GRID1: variants seen among roughly 807,000 people sequenced by gnomAD.
GRID1 encodes the protein glutamate ionotropic receptor delta type subunit 1, also known as glutamate receptor ionotropic, delta-1.
In GRID1, 28 loss-of-function variants were observed where a neutral mutation model predicts 98.0. The observed-to-expected ratio is 0.29, with a 90% confidence interval of 0.21 to 0.39. The LOEUF (loss-of-function observed/expected upper bound fraction) is 0.39. Ranked by LOEUF, GRID1 falls within the 10% of genes least tolerant of loss-of-function variation. GRID1 has a pLI of 1.00. For missense variants in GRID1, 1,111 were observed against 1,340.5 expected (o/e 0.83, Z 2.67); for synonymous variants, 553 against 538.5 (o/e 1.03, Z -0.37).
At chr10:86,319,129 G>A (rs1014323191) in intron 2 of GRID1, among the ~76,000 whole-genome samples, 7 of 152,146 alleles carry the variant, frequency 4.6e-5, no homozygotes, top group African/African-American at 1.7e-4. Flanking sequence ...CAGGAGCAAG[G>A]AGTAGGCCAC....
chr10:86,189,108 T>G (rs186705648), intron 3 of GRID1, among the ~76,000 whole-genome samples: 38 of 152,260 alleles, frequency 2.5e-4, no homozygotes, highest in African/African-American at 8.9e-4. Flanking sequence ...GCTGGCACTT[T>G]CAAAGCTCTA....
chr10:85,913,679 C>T (rs1271111920), intron 5 of GRID1, among the ~76,000 whole-genome samples: 2 of 123,394 alleles, frequency 1.6e-5, no homozygotes, highest in Non-Finnish European at 3.3e-5. Context: ...GTCCCAGCTA[C>T]TCAGGAGGCT....
chr10:86,239,874 T>G (rs370033391), intron 2 of GRID1, among the ~76,000 whole-genome samples: 4 of 152,272 alleles, frequency 2.6e-5, no homozygotes, highest in African/African-American at 9.6e-5. Context: ...GTGAGAATGA[T>G]CAAATGCAGG....
chr10:85,619,059 G>T (rs1422801640), intron 14 of GRID1, among the ~76,000 whole-genome samples: 1 of 152,220 alleles, frequency 6.6e-6, no homozygotes, highest in East Asian at 1.9e-4. Context: ...GGCAGAGCCT[G>T]CCCCAGGGCT....
intron 8 of GRID1, among the ~76,000 whole-genome samples, chr10:85,811,065 CTGAA>C (rs1842667012): frequency 6.6e-6 from 1 of 152,182 alleles, no homozygotes; most frequent in Non-Finnish European, 1.5e-5. Context: ...AAGCCCACCC[CTGAA>C]GAAGCTGTGT....
At chr10:86,298,885 G>A (rs1847635936) in intron 2 of GRID1, among the ~76,000 whole-genome samples, 1 of 152,156 alleles carries the variant, frequency 6.6e-6, no homozygotes, top group Non-Finnish European at 1.5e-5. Flanking sequence ...CACCACTCAC[G>A]GATCCCTGGC....
At chr10:85,860,933 T>A (rs1198996958) in intron 6 of GRID1, among the ~76,000 whole-genome samples, 2 of 152,208 alleles carry the variant, frequency 1.3e-5, no homozygotes, top group African/African-American at 2.4e-5. Flanking sequence ...ACCTGTGGAA[T>A]GCAGATGGTA....
intron 2 of GRID1, among the ~76,000 whole-genome samples, chr10:86,232,757 G>T (rs894437458): frequency 6.6e-6 from 1 of 152,256 alleles, no homozygotes; most frequent in Admixed American, 6.5e-5. Context: ...TCTTTTGCAG[G>T]GAGGGAAAGT....
At chr10:85,754,791 C>T (rs1208424654) in intron 8 of GRID1, among the ~76,000 whole-genome samples, 1 of 152,166 alleles carries the variant, frequency 6.6e-6, no homozygotes, top group African/African-American at 2.4e-5. Flanking sequence ...CCCTTGCAGA[C>T]TGTGTGACCT....
At chr10:86,049,363 G>A (rs1248033977) in intron 4 of GRID1, among the ~76,000 whole-genome samples, 1 of 152,158 alleles carries the variant, frequency 6.6e-6, no homozygotes, top group Non-Finnish European at 1.5e-5. Context: ...TTGACCCAAC[G>A]TTCCAGCAGT....
chr10:86,035,962 C>A (rs1399288620), intron 4 of GRID1, among the ~76,000 whole-genome samples: 1 of 152,188 alleles, frequency 6.6e-6, no homozygotes, highest in Non-Finnish European at 1.5e-5. Context: ...GAGCCCCCTG[C>A]AGCCCACCTC....
chr10:86,051,182 A>G (rs1471442910), intron 4 of GRID1, among the ~76,000 whole-genome samples: 1 of 151,752 alleles, frequency 6.6e-6, no homozygotes, highest in African/African-American at 2.4e-5. Flanking sequence ...AAGATCAATG[A>G]AACAGAATAC....
intron 4 of GRID1, among the ~76,000 whole-genome samples, chr10:86,005,115 G>C (rs1175259989): frequency 6.6e-6 from 1 of 152,162 alleles, no homozygotes; most frequent in Non-Finnish European, 1.5e-5. Context: ...AGCTCTGCTA[G>C]CAATCAAACA....
intron 8 of GRID1, among the ~76,000 whole-genome samples, chr10:85,854,074 G>T (rs965223758): frequency 1.3e-5 from 2 of 152,092 alleles, no homozygotes; most frequent in African/African-American, 2.4e-5. Flanking sequence ...TTTTCTGTTT[G>T]TGGCCTTGTC....
chr10:85,982,113 G>C (rs114843865), intron 4 of GRID1, among the ~76,000 whole-genome samples: 1,668 of 151,530 alleles, frequency 0.011, 40 homozygotes, highest in African/African-American at 0.039. Context: ...TGAGTCTGGG[G>C]AATGAAGTTG....
intron 5 of GRID1, among the ~76,000 whole-genome samples, chr10:85,879,096 T>C (rs1840959053): frequency 6.6e-6 from 1 of 152,144 alleles, no homozygotes; most frequent in Non-Finnish European, 1.5e-5. Context: ...ATGCACCCAA[T>C]ACAGGAGCAT....
intron 8 of GRID1, among the ~76,000 whole-genome samples, chr10:85,732,017 C>G (rs1841831992): frequency 6.6e-6 from 1 of 152,060 alleles, no homozygotes; most frequent in South Asian, 2.1e-4. Flanking sequence ...GTTCCTACAG[C>G]TGGATTAAAA....
chr10:86,157,750 T>C (rs1206905542), intron 3 of GRID1, among the ~76,000 whole-genome samples: 2 of 152,204 alleles, frequency 1.3e-5, no homozygotes, highest in African/African-American at 4.8e-5. Flanking sequence ...AGGGACAACC[T>C]GGAATCCTCC....
chr10:85,747,540 C>T (rs1033162909), intron 8 of GRID1, among the ~76,000 whole-genome samples: 2 of 152,174 alleles, frequency 1.3e-5, no homozygotes, highest in Admixed American at 6.5e-5. Flanking sequence ...CTGCCCCTTC[C>T]TCTTAGCCCC....
Sources: allele counts gnomAD v4.1 joint callset (sites outside exome capture counted in the v4.1 genomes callset), GRCh38; gene constraint gnomAD v4.1.1; transcripts MANE v1.5; gene names NCBI Gene and HGNC (gene_info 2026-07-23, HGNC 2026-07-21).